The following DNAJC17 variants were observed in gnomAD, a reference collection of about 807,000 sequenced individuals.
The protein encoded by DNAJC17 is dnaJ homolog subfamily C member 17.
A neutral mutation model predicts 48.1 loss-of-function variants in DNAJC17; 35 were observed. The ratio of observed to expected loss-of-function variants is 0.73; its 90% CI spans 0.56 to 0.96. DNAJC17 has a LOEUF of 0.96. Ranked by LOEUF, DNAJC17 falls within the 50% of genes least tolerant of loss-of-function variation. The pLI is 0.00. For synonymous variants in DNAJC17, 117 were observed against 142.7 expected (o/e 0.82, Z 1.28); for missense variants, 355 against 377.1 (o/e 0.94, Z 0.48).
chr15:40,805,581 G>A (rs1488544959), intron 1 of DNAJC17, among the ~76,000 whole-genome samples: 3 of 141,358 alleles, frequency 2.1e-5, no homozygotes, highest in Non-Finnish European at 4.6e-5. Flanking sequence ...GGTGGCTCAC[G>A]CTTGTAATCC....
At chr15:40,774,970 A>G (rs1889276837) in intron 8 of DNAJC17, 61 bp downstream of exon 8, 14 of 1,558,102 alleles carry the variant, frequency 9.0e-6, no homozygotes, top group Non-Finnish European at 1.2e-5. Context: ...GCAGAGACCT[A>G]GGGTGTGGAC....
In DNAJC17 at chr15:40,779,550, C is replaced by T. The variant is rs1412333370; in HGVS notation, c.202G>A (p.Ala68Thr). 1 of 1,614,164 alleles carries T rather than the reference C, an allele frequency of 6.2e-7. No individual in the cohort carries two copies. Among genetic ancestry groups the T allele is most frequent in the Non-Finnish European group, 8.5e-7 (1 of 1,180,030 alleles). The change falls in exon 3 of 11, where the codon GCC becomes ACC. Residue 68 changes from alanine to threonine, a missense_variant. Physicochemically the swap from Ala to Thr is moderately conservative, Grantham distance 58. Around this residue, in one of 3 missense-constraint regions of DNAJC17, gnomAD observed 199 missense variants for 199.9 expected, o/e 1.00. Transcript: ENST00000220496. ...QALEVLTDAAARAAYDKVRKA... is the reference protein window; with the variant it reads ...QALEVLTDAATRAAYDKVRKA... ...ATGAAGGAGGCTGTGCTTACCCTGG[C>T]TGCAGCATCGGTCAGCACCTCCAAG...
rs1888979660 is a variant in DNAJC17 at position 40,767,590 on chromosome 15, G to A, written c.*350C>T. The stretch of plus-strand genomic sequence containing the variant: ...CCTCCTGCTTCGGGCCTGGGCCGAG[G>A]GCCTTGTGTAGGCCATGTTCCTCGG... On this transcript the variant is annotated 3_prime_UTR_variant, in exon 11 of 11. Coordinates refer to ENST00000220496, the MANE Select transcript of DNAJC17 (RefSeq NM_018163.3). 5.0e-6 allele frequency: 3 copies of A among 595,018 alleles called. No individual in the cohort carries two copies. Among genetic ancestry groups the A allele is most frequent in the Non-Finnish European group, 8.4e-6 (3 of 355,804 alleles). 36.9% of individuals were successfully genotyped at this position (595,018 alleles called of 1,614,324 possible).
chr15:40,780,198 C>T (rs1245596946), intron 1 of DNAJC17: 2 of 672,544 alleles, frequency 3.0e-6, no homozygotes, highest in African/African-American at 3.5e-5. Flanking sequence ...AGCACAGGAG[C>T]TGGGCCCACC....
chr15:40,779,815 G>T, intron 2 of DNAJC17, 113 bp downstream of exon 2: 1 of 1,259,966 alleles, frequency 7.9e-7, no homozygotes, highest in Non-Finnish European at 1.1e-6. Context: ...ATTGCCTGGA[G>T]CCAGGCAATG....
At chr15:40,790,533 C>T (rs151283433) in intron 1 of DNAJC17, among the ~76,000 whole-genome samples, 102 of 152,104 alleles carry the variant, frequency 6.7e-4, no homozygotes, top group African/African-American at 2.1e-3. Flanking sequence ...GAGCCAAGAT[C>T]GTGCCACTGC....
rs777934673 is a variant in DNAJC17 at position 40,770,889 on chromosome 15, C to T, written c.793-2827G>A. 5.2e-6 allele frequency: 8 copies of T among 1,551,562 alleles called. No individual in the cohort carries two copies. In the South Asian group the frequency reaches 8.3e-5, roughly 16 times the overall value. On this transcript the variant is annotated intron_variant, in intron 10 of 10. Transcript: ENST00000220496. This position sits in a 1 kb window ranked among gnomAD's most constrained non-coding sequence, Gnocchi z 5.0. ...CTCAGAGAAGGGCCTTGTGGACACT[C>T]CCTGCTTCCAGAGGACACCTACCCC...
intron 10 of DNAJC17, chr15:40,771,919 C>A (rs566519665): frequency 6.0e-6 from 1 of 167,268 alleles, no homozygotes; most frequent in South Asian, 2.1e-4. Flanking sequence ...TCTGCCAACA[C>A]AGCTACCCGG....
At chr15:40,802,758 TA>T (rs1219081073) in intron 1 of DNAJC17, among the ~76,000 whole-genome samples, 1 of 152,126 alleles carries the variant, frequency 6.6e-6, no homozygotes, top group Non-Finnish European at 1.5e-5. Flanking sequence ...TCGCCATCAG[TA>T]ACACAGGGAG....
At chr15:40,799,663 G>T (rs546381873) in intron 1 of DNAJC17, among the ~76,000 whole-genome samples, 9 of 152,086 alleles carry the variant, frequency 5.9e-5, no homozygotes, top group African/African-American at 1.9e-4. Flanking sequence ...TGTTTCTGTT[G>T]CTGGATCATA....
chr15:40,805,750 G>A (rs1890194526), intron 1 of DNAJC17, among the ~76,000 whole-genome samples: 1 of 150,874 alleles, frequency 6.6e-6, no homozygotes, highest in South Asian at 2.1e-4. Context: ...AGAATGGCGT[G>A]AACCCGAGAG....
intron 4 of DNAJC17, 117 bp downstream of exon 4, chr15:40,779,106 A>G (rs1211566749): frequency 9.8e-7 from 1 of 1,024,412 alleles, no homozygotes; most frequent in East Asian, 2.4e-5. Context: ...CGTTTTGCCC[A>G]GAGCCTGAGC....
At chr15:40,807,346 G>A in intron 1 of DNAJC17, 23 bp downstream of exon 1, 1 of 1,614,282 alleles carries the variant, frequency 6.2e-7, no homozygotes, top group Non-Finnish European at 8.5e-7. Context: ...CTCAAGATCA[G>A]CCTTCCTCGC....
intron 9 of DNAJC17, 195 bp downstream of exon 9, chr15:40,774,161 A>AC (rs971506122): frequency 1.4e-5 from 9 of 650,950 alleles, no homozygotes; most frequent in African/African-American, 5.5e-5. Flanking sequence ...TCCCCAGAGC[A>AC]CCCCCCATCC....
At position 40,774,182 on chromosome 15, in the gene DNAJC17, A is replaced by G. The variant is rs1889249233; in HGVS notation, c.681+174T>C. ...GAGCACCCCCCATCCATCCCTTCAC[A>G]CACGGTGCCTCTATTTCCAGGAGTC... On this transcript the variant is annotated intron_variant, in intron 9 of 10. Transcript: ENST00000220496. The G allele has an allele frequency of 4.2e-6, 3 of 714,100 alleles. No homozygotes were observed. In the East Asian group the frequency reaches 7.5e-5, roughly 18 times the overall value. The allele number at this position is 714,100 out of a possible 1,614,324, so 44.2% of individuals were successfully genotyped here.
At chr15:40,786,622 A>C (rs1889650213) in intron 1 of DNAJC17, among the ~76,000 whole-genome samples, 1 of 152,170 alleles carries the variant, frequency 6.6e-6, no homozygotes, top group Non-Finnish European at 1.5e-5. Context: ...GTTTCCCCTA[A>C]ATCCCCTGGT....
At position 40,766,641 on chromosome 15, in the gene DNAJC17, C is replaced by G. The variant is rs561184784; in HGVS notation, c.*1299G>C. The G allele has an allele frequency of 6.6e-6, 1 of 152,318 alleles. No individual in the cohort carries two copies. The highest frequency in any genetic ancestry group is 2.1e-4 in the South Asian group (1 of 4,834). 9.4% of individuals were successfully genotyped at this position (152,318 alleles called of 1,614,324 possible). On this transcript the variant is annotated 3_prime_UTR_variant, in exon 11 of 11. Coordinates refer to ENST00000220496, the MANE Select transcript of DNAJC17 (RefSeq NM_018163.3). The stretch of plus-strand genomic sequence containing the variant: ...TTGAGCCCTTTGTCTGCTTCATGGT[C>G]TTTCAGCATCAATTAAACCTGACAG...
chr15:40,776,417 A>G (rs1344359846), intron 5 of DNAJC17, 125 bp from the exon 6 acceptor site: 1 of 1,457,424 alleles, frequency 6.9e-7, no homozygotes, highest in South Asian at 1.1e-5. Flanking sequence ...GGTGGGACAA[A>G]TCACCCAGCT....
intron 1 of DNAJC17, among the ~76,000 whole-genome samples, chr15:40,783,787 C>G (rs1024713947): frequency 6.6e-6 from 1 of 151,970 alleles, no homozygotes; most frequent in African/African-American, 2.4e-5. Flanking sequence ...CACTTGATTC[C>G]GGGGGGCAGA....
Sources: allele counts gnomAD v4.1 joint callset (sites outside exome capture counted in the v4.1 genomes callset), GRCh38; gene constraint gnomAD v4.1.1; regional missense constraint gnomAD v4.1.1; non-coding constraint Gnocchi (gnomAD v3.1); transcripts MANE v1.5; gene names NCBI Gene and HGNC (gene_info 2026-07-23, HGNC 2026-07-21).